TSGA10: variants seen among roughly 807,000 people sequenced by gnomAD.
The protein encoded by TSGA10 is testis-specific gene 10 protein.
Under a neutral mutation model 96.6 loss-of-function variants are expected in TSGA10, and 43 were observed. The observed-to-expected ratio is 0.44, with a 90% CI of 0.35 to 0.57. The LOEUF (loss-of-function observed/expected upper bound fraction) is 0.57, where lower values mean the gene tolerates loss of function less well. Ranked by LOEUF, TSGA10 falls within the 20% of genes least tolerant of loss-of-function variation. TSGA10 has a pLI of 0.01. For synonymous variants in TSGA10, 229 were observed against 269.9 expected (o/e 0.85, Z 1.48); for missense variants, 703 against 834.4 (o/e 0.84, Z 1.94).
chr2:99,092,530 C>T (rs1037681694), intron 10 of TSGA10, among the ~76,000 whole-genome samples: 1 of 151,876 alleles, frequency 6.6e-6, no homozygotes, highest in Non-Finnish European at 1.5e-5. Flanking sequence ...AGACCATTAG[C>T]GAGATTTAAC....
intron 10 of TSGA10, among the ~76,000 whole-genome samples, chr2:99,082,234 CAA>C (rs2087615080): frequency 6.6e-6 from 1 of 152,182 alleles, no homozygotes; most frequent in South Asian, 2.1e-4. Context: ...CCATATCTAA[CAA>C]AGGATTTAGA....
At position 99,068,870 on chromosome 2, in the gene TSGA10, G is replaced by GA. The variant is rs573036298; in HGVS notation, c.1218+17dup. 9,686 of 1,160,506 alleles carry GA rather than the reference G, an allele frequency of 8.3e-3. No homozygotes were observed. Among genetic ancestry groups the GA allele is most frequent in the South Asian group, 0.012 (526 of 44,610 alleles). 71.9% of individuals were successfully genotyped at this position (1,160,506 alleles called of 1,614,324 possible). A position where few individuals can be genotyped will look rare whatever the true frequency, so the allele number is the denominator to read the frequency against. Reference sequence around the variant, plus strand: ...GAAAACTAAGTATCATGAGCAAAAAGAAAAAAAAAATACATACTTCAGACT... The same window carrying GA: ...GAAAACTAAGTATCATGAGCAAAAAGAAAAAAAAAAATACATACTTCAGACT... On this transcript the variant is annotated intron_variant, in intron 15 of 20. Coordinates refer to ENST00000393483, the MANE Select transcript of TSGA10 (RefSeq NM_025244.4).
chr2:99,103,506 A>G (rs1362763982), intron 10 of TSGA10, among the ~76,000 whole-genome samples: 4 of 152,214 alleles, frequency 2.6e-5, no homozygotes, highest in Non-Finnish European at 5.9e-5. Flanking sequence ...CTTGCATTCA[A>G]TTAATAGATG....
intron 1 of TSGA10, among the ~76,000 whole-genome samples, chr2:99,131,348 T>C (rs767193654): frequency 5.3e-5 from 8 of 152,180 alleles, no homozygotes; most frequent in Non-Finnish European, 7.4e-5. Context: ...CCATCACTTG[T>C]AAGTTGTATT....
In TSGA10 at chr2:99,013,586, C is replaced by A. The variant is rs189727856; in HGVS notation, c.2072+4614G>T. Among the ~76,000 whole-genome samples the A allele has an allele frequency of 2.6e-5, 4 of 151,868 alleles. No individual in the cohort carries two copies. The South Asian group carries it at 8.3e-4, about 32-fold the overall frequency. ...GATGTCGTGATCCGCCTGCCTCCGCCCCCCAAAGTGCTGGGATTACAGGCG... is the reference window on the plus strand; with the variant it reads ...GATGTCGTGATCCGCCTGCCTCCGCACCCCAAAGTGCTGGGATTACAGGCG... On this transcript the variant is annotated intron_variant, in intron 20 of 20. Transcript: ENST00000393483.
intron 10 of TSGA10, among the ~76,000 whole-genome samples, chr2:99,089,383 A>C (rs773994848): frequency 1.3e-5 from 2 of 152,112 alleles, no homozygotes; most frequent in Non-Finnish European, 2.9e-5. Flanking sequence ...ATTCCAACCA[A>C]ATGTGAACTT....
At chr2:99,090,078 A>G (rs192274934) in intron 10 of TSGA10, among the ~76,000 whole-genome samples, 2 of 152,342 alleles carry the variant, frequency 1.3e-5, no homozygotes, top group East Asian at 1.9e-4. Context: ...AAGATGGTTC[A>G]TATCACAGGA....
At position 99,154,885 on chromosome 2, in the gene TSGA10, G is replaced by T; in HGVS notation, c.-813C>A. On this transcript the variant is annotated 5_prime_UTR_variant, in exon 1 of 21. Coordinates refer to ENST00000393483, the MANE Select transcript of TSGA10 (RefSeq NM_025244.4). ...GACCCCACGGCTCCGCAGGCGGAGAGACTAGGCGCGATCCCTGCGCGCCCC... is the reference window on the plus strand; with the variant it reads ...GACCCCACGGCTCCGCAGGCGGAGATACTAGGCGCGATCCCTGCGCGCCCC... 2.5e-6 allele frequency: 1 copy of T among 399,694 alleles called. No individual in the cohort carries two copies. The highest frequency in any genetic ancestry group is 5.0e-6 in the Non-Finnish European group (1 of 198,382). The allele number at this position is 399,694 out of a possible 1,614,324, so 24.8% of individuals were successfully genotyped here.
intron 17 of TSGA10, among the ~76,000 whole-genome samples, chr2:99,031,732 C>G (rs1224082564): frequency 6.6e-6 from 1 of 152,184 alleles, no homozygotes; most frequent in Non-Finnish European, 1.5e-5. Flanking sequence ...TCTGTATTTA[C>G]AACTGCTCCC....
intron 16 of TSGA10, among the ~76,000 whole-genome samples, chr2:99,047,952 G>C (rs183614012): frequency 6.6e-6 from 1 of 152,224 alleles, no homozygotes; most frequent in East Asian, 1.9e-4. Flanking sequence ...GCTAAATCAT[G>C]AGTGAACTCC....
At chr2:99,050,997 C>T (rs1355477359) in intron 16 of TSGA10, among the ~76,000 whole-genome samples, 3 of 152,100 alleles carry the variant, frequency 2.0e-5, no homozygotes, top group African/African-American at 7.2e-5. Flanking sequence ...GGTTTATAGC[C>T]TAGGCACAAC....
chr2:99,002,298 T>G (rs1316079593), intron 20 of TSGA10, among the ~76,000 whole-genome samples: 2 of 152,134 alleles, frequency 1.3e-5, no homozygotes, highest in East Asian at 3.9e-4. Context: ...TGGCAGAAAC[T>G]CCACAAGCCA....
intron 1 of TSGA10, 83 bp from the exon 2 acceptor site, chr2:99,127,259 T>C (rs1038362233): frequency 3.1e-5 from 33 of 1,050,176 alleles, no homozygotes; most frequent in Admixed American, 4.5e-5. Flanking sequence ...ATTTTGAAAA[T>C]TGATAATATT....
At chr2:99,150,526 G>A (rs1325412418) in intron 1 of TSGA10, 4 of 1,593,770 alleles carry the variant, frequency 2.5e-6, no homozygotes, top group Middle Eastern at 1.7e-4. Flanking sequence ...AAAGGTACCT[G>A]CAAATTACTT....
intron 10 of TSGA10, among the ~76,000 whole-genome samples, chr2:99,098,450 A>AG (rs1391571429): frequency 1.0e-4 from 15 of 150,134 alleles, no homozygotes; most frequent in East Asian, 5.8e-4. Context: ...AAAAAAAAAA[A>AG]AAAAAGAAAA....
chr2:99,015,574 C>T (rs928346686), intron 20 of TSGA10, among the ~76,000 whole-genome samples: 26 of 152,088 alleles, frequency 1.7e-4, no homozygotes, highest in Admixed American at 1.3e-4. Context: ...AAGCATTCCC[C>T]CTGAGAACTG....
intron 12 of TSGA10, among the ~76,000 whole-genome samples, chr2:99,074,000 C>CTTT (rs1167854716): frequency 3.8e-5 from 2 of 52,636 alleles, no homozygotes; most frequent in Non-Finnish European, 7.4e-5. Context: ...TGTTTCTTTT[C>CTTT]TTTTTTTTTT....
At chr2:99,006,718 A>T (rs1296431549) in intron 20 of TSGA10, among the ~76,000 whole-genome samples, 2 of 152,226 alleles carry the variant, frequency 1.3e-5, no homozygotes, top group Non-Finnish European at 2.9e-5. Flanking sequence ...TAGTTCAACC[A>T]TTGTGGAAGT....
intron 3 of TSGA10, 24 bp downstream of exon 3, chr2:99,118,527 C>T (rs2092404041): frequency 2.1e-6 from 2 of 964,862 alleles, no homozygotes; most frequent in Non-Finnish European, 2.5e-6. Context: ...TTAAAAAGTC[C>T]TTTTGAAAGT....
Sources: allele counts gnomAD v4.1 joint callset (sites outside exome capture counted in the v4.1 genomes callset), GRCh38; gene constraint gnomAD v4.1.1; transcripts MANE v1.5; gene names NCBI Gene and HGNC (gene_info 2026-07-23, HGNC 2026-07-21).